The following NFIC variants were observed in gnomAD, a reference collection of about 807,000 sequenced individuals.
NFIC encodes nuclear factor 1 C-type.
NFIC carries 12 observed loss-of-function variants against 54.4 expected under a neutral mutation model. That is an observed-to-expected ratio of 0.22 (90% CI 0.14 to 0.36). The LOEUF is 0.36. Ranked by LOEUF, NFIC falls within the 10% of genes least tolerant of loss-of-function variation. The probability of loss-of-function intolerance (pLI) is 1.00; values close to 1 mark genes in which losing one functional copy is unlikely to be tolerated. For missense variants in NFIC, 575 were observed against 718.2 expected, an observed-to-expected ratio of 0.80 and a Z score of 2.28; for synonymous variants, 322 against 319.2, an observed-to-expected ratio of 1.01 and a Z score of -0.09.
chr19:3,438,245 A>G (rs1312905064), intron 6 of NFIC, among the ~76,000 whole-genome samples: 1 of 151,594 alleles, frequency 6.6e-6, no homozygotes, highest in Non-Finnish European at 1.5e-5. Context: ...GCTCACTGGC[A>G]ACCCCTTCCA....
intron 2 of NFIC, among the ~76,000 whole-genome samples, chr19:3,416,433 T>C (rs2081855626): frequency 6.6e-6 from 1 of 150,542 alleles, no homozygotes; most frequent in Admixed American, 6.6e-5. Flanking sequence ...GTATATAAAA[T>C]ATACTTACGC....
At position 3,433,608 on chromosome 19, in the gene NFIC, A is replaced by G. The variant is rs546557327; in HGVS notation, c.709+16A>G. 12 of 1,612,604 alleles carry G rather than the reference A, an allele frequency of 7.4e-6. No individual in the cohort carries two copies. Among genetic ancestry groups the G allele is most frequent in the African/African-American group, 1.3e-5 (1 of 74,880 alleles). On this transcript the variant is annotated intron_variant, in intron 4 of 10. Coordinates refer to ENST00000443272, the MANE Select transcript of NFIC (RefSeq NM_001245002.2). The stretch of plus-strand genomic sequence containing the variant: ...GTGTCCCGGAGTGAGTGTTCCCGTC[A>G]GCCCTGAGCTGGGTCTTGGAGAGGG...
At chr19:3,378,402 C>T (rs1454854956) in intron 1 of NFIC, among the ~76,000 whole-genome samples, 5 of 152,176 alleles carry the variant, frequency 3.3e-5, no homozygotes, top group African/African-American at 4.8e-5. Flanking sequence ...AGCTGAGATC[C>T]CAAATGCTAT....
chr19:3,376,499 G>A (rs367742668), intron 1 of NFIC, among the ~76,000 whole-genome samples: 26 of 150,636 alleles, frequency 1.7e-4, no homozygotes, highest in African/African-American at 5.6e-4. Flanking sequence ...TTAGGAGGCC[G>A]AGGTGGGAGG....
At chr19:3,388,364 T>C (rs563077588) in intron 2 of NFIC, among the ~76,000 whole-genome samples, 1 of 152,244 alleles carries the variant, frequency 6.6e-6, no homozygotes, top group East Asian at 1.9e-4. Flanking sequence ...CCGCTCACCC[T>C]AACTGGTTTA....
chr19:3,394,513 T>C (rs867712246), intron 2 of NFIC, among the ~76,000 whole-genome samples: 23 of 9,006 alleles, frequency 2.6e-3, no homozygotes, highest in African/African-American at 7.8e-3. Flanking sequence ...TTATGATCTT[T>C]TCCCCACCCA....
chr19:3,444,530 C>G (rs936184326), intron 6 of NFIC, among the ~76,000 whole-genome samples: 1 of 152,168 alleles, frequency 6.6e-6, no homozygotes, highest in African/African-American at 2.4e-5. Context: ...AGTCAGTGTC[C>G]GTAGAGCCTG....
intron 2 of NFIC, among the ~76,000 whole-genome samples, chr19:3,409,106 C>T (rs763569006): frequency 1.4e-4 from 22 of 152,250 alleles, no homozygotes; most frequent in Non-Finnish European, 2.8e-4. Flanking sequence ...GGATAAAACC[C>T]AGGCCTCTCA....
intron 6 of NFIC, among the ~76,000 whole-genome samples, chr19:3,444,728 C>G (rs2082346425): frequency 6.6e-6 from 1 of 152,206 alleles, no homozygotes; most frequent in South Asian, 2.1e-4. Flanking sequence ...AGGAAATCCT[C>G]CTAAATGAGC....
rs138893475 is a variant in NFIC, at chr19:3,434,507, G to A, written c.833+107G>A. Reference sequence around the variant, plus strand: ...CTCTCCCTGGAATACCTCTTTTCACGATTCACCTGGCCTGAGAAACTCCTA... The same window carrying A: ...CTCTCCCTGGAATACCTCTTTTCACAATTCACCTGGCCTGAGAAACTCCTA... On this transcript the variant is annotated intron_variant, in intron 5 of 10. Transcript: ENST00000443272. 22 of 1,430,186 alleles carry A rather than the reference G, an allele frequency of 1.5e-5. No individual in the cohort carries two copies. The South Asian group carries it at 2.0e-4, about 13-fold the overall frequency. 88.6% of individuals were successfully genotyped at this position (1,430,186 alleles called of 1,614,324 possible). A position where few individuals can be genotyped will look rare whatever the true frequency, so the allele number is the denominator to read the frequency against.
At chr19:3,440,780 C>A (rs2082281874) in intron 6 of NFIC, among the ~76,000 whole-genome samples, 1 of 152,194 alleles carries the variant, frequency 6.6e-6, no homozygotes, top group Non-Finnish European at 1.5e-5. Context: ...CTCGGCCTCC[C>A]AAAGTGCTGG....
chr19:3,408,746 C>T (rs929240901), intron 2 of NFIC, among the ~76,000 whole-genome samples: 5 of 152,232 alleles, frequency 3.3e-5, no homozygotes, highest in South Asian at 2.1e-4. Context: ...GGACTATAGG[C>T]GACCGCCACC....
chr19:3,460,970 C>T (rs895125140), intron 10 of NFIC, among the ~76,000 whole-genome samples: 1 of 151,672 alleles, frequency 6.6e-6, no homozygotes, highest in Non-Finnish European at 1.5e-5. Context: ...ACCAAAAATA[C>T]AAAAATTAGC....
chr19:3,369,113 CTT>C lies in NFIC; in HGVS notation c.30+2449_30+2450del, dbSNP rs1275544850. Among the ~76,000 whole-genome samples, 1 of 151,936 alleles carries C rather than the reference CTT, an allele frequency of 6.6e-6. No homozygotes were observed. Among genetic ancestry groups the C allele is most frequent in the Admixed American group, 6.6e-5 (1 of 15,238 alleles). The stretch of plus-strand genomic sequence containing the variant: ...GTCTATCTCACCATCCCTTTCTCCT[CTT>C]TGTCTCTGCATGTCTCTTTGATGTG... On this transcript the variant is annotated intron_variant, in intron 1 of 10. Coordinates refer to ENST00000443272, the MANE Select transcript of NFIC (RefSeq NM_001245002.2). This position sits in a 1 kb window ranked among gnomAD's most constrained non-coding sequence, Gnocchi z 4.3.
At chr19:3,425,074 A>G in intron 2 of NFIC, 32 bp from the exon 3 acceptor site, 1 of 1,611,362 alleles carries the variant, frequency 6.2e-7, no homozygotes, top group Non-Finnish European at 8.5e-7. Flanking sequence ...GGTCTCTGTG[A>G]TGCCACCAGT....
chr19:3,426,428 G>T (rs1472457344), intron 3 of NFIC, among the ~76,000 whole-genome samples: 2 of 152,074 alleles, frequency 1.3e-5, no homozygotes, highest in Non-Finnish European at 2.9e-5. Context: ...CTATGTTGTA[G>T]GGATAGGAAG....
Position 3,367,191 on chromosome 19 carries a change from C to T in NFIC, c.30+525C>T, listed in dbSNP as rs182148098. ...AGGTTGTGCGGGCCGCCCTGGCCCT[C>T]GGTCGCCTTTCCCTCGTTATTGGCC... On this transcript the variant is annotated intron_variant, in intron 1 of 10. Transcript: ENST00000443272. 2.5e-3 allele frequency among the ~76,000 whole-genome samples: 381 copies of T among 152,304 alleles called. 4 individuals carry two copies. Among genetic ancestry groups the T allele is most frequent in the Admixed American group, 0.022 (343 of 15,306 alleles).
chr19:3,442,012 G>T (rs79768694), intron 6 of NFIC, among the ~76,000 whole-genome samples: 2 of 152,148 alleles, frequency 1.3e-5, no homozygotes, highest in Non-Finnish European at 2.9e-5. Flanking sequence ...CTTTTCTCCC[G>T]GGCAGTGCTC....
At chr19:3,429,292 AC>A (rs2082084260) in intron 3 of NFIC, among the ~76,000 whole-genome samples, 2 of 137,120 alleles carry the variant, frequency 1.5e-5, no homozygotes, top group Admixed American at 1.5e-4. Flanking sequence ...ACACACACAC[AC>A]ACTAGCCAAA....
Sources: allele counts gnomAD v4.1 joint callset (sites outside exome capture counted in the v4.1 genomes callset), GRCh38; gene constraint gnomAD v4.1.1; non-coding constraint Gnocchi (gnomAD v3.1); transcripts MANE v1.5; gene names NCBI Gene and HGNC (gene_info 2026-07-23, HGNC 2026-07-21).